The following KIF6 variants were observed in gnomAD, a reference collection of about 807,000 sequenced individuals.
The protein encoded by KIF6 is kinesin family member 6, also known as kinesin-like protein KIF6.
Under a neutral mutation model 112.7 loss-of-function variants are expected in KIF6, and 106 were observed. The ratio of observed to expected loss-of-function variants is 0.94; its 90% confidence interval spans 0.80 to 1.11. The LOEUF is 1.11. KIF6 is among the 50% of genes least tolerant of loss of function. KIF6 has a pLI of 0.00. For synonymous variants in KIF6, 339 were observed against 339.9 expected (o/e 1.00, Z 0.03); for missense variants, 929 against 964.0 (o/e 0.96, Z 0.48).
intron 11 of KIF6, among the ~76,000 whole-genome samples, chr6:39,545,213 A>G (rs9394608): frequency 0.042 from 6,463 of 152,314 alleles, 289 homozygotes; most frequent in East Asian, 0.26. Flanking sequence ...TGTCATGAAA[A>G]TTAAAACCTA....
At chr6:39,373,042 T>C (rs1766145610) in intron 16 of KIF6, among the ~76,000 whole-genome samples, 1 of 152,186 alleles carries the variant, frequency 6.6e-6, no homozygotes, top group South Asian at 2.1e-4. Flanking sequence ...ATGGCGATTT[T>C]CATCATGTGT....
At chr6:39,627,214 G>A (rs115119652) in intron 5 of KIF6, among the ~76,000 whole-genome samples, 458 of 152,116 alleles carry the variant, frequency 3.0e-3, no homozygotes, top group Non-Finnish European at 5.6e-3. Context: ...GCCACACTCC[G>A]CTGCCCCAAG....
chr6:39,673,816 GC>G (rs1786978948), intron 3 of KIF6, among the ~76,000 whole-genome samples: 1 of 152,148 alleles, frequency 6.6e-6, no homozygotes, highest in African/African-American at 2.4e-5. Context: ...AAAATTTCTA[GC>G]CCAGATAAAA....
intron 15 of KIF6, among the ~76,000 whole-genome samples, chr6:39,393,837 GAAA>G (rs1253762461): frequency 3.3e-5 from 5 of 151,904 alleles, no homozygotes; most frequent in African/African-American, 1.2e-4. Context: ...TAGAAGATCA[GAAA>G]AAAAGGCAAG....
intron 13 of KIF6, among the ~76,000 whole-genome samples, chr6:39,516,963 G>T (rs12525519): frequency 6.6e-6 from 1 of 151,978 alleles, no homozygotes; most frequent in Non-Finnish European, 1.5e-5. Context: ...AAAGGAAGGT[G>T]AGTAGCAACA....
At chr6:39,510,256 C>T (rs1449758763) in intron 13 of KIF6, among the ~76,000 whole-genome samples, 1 of 151,948 alleles carries the variant, frequency 6.6e-6, no homozygotes, top group Non-Finnish European at 1.5e-5. Flanking sequence ...CCACGCCTGG[C>T]TCATTTTTTG....
intron 13 of KIF6, among the ~76,000 whole-genome samples, chr6:39,513,357 C>T (rs913594132): frequency 6.6e-6 from 1 of 152,204 alleles, no homozygotes; most frequent in Non-Finnish European, 1.5e-5. Context: ...CTGATTACTT[C>T]TACATGCTCA....
At chr6:39,433,530 G>C (rs1448483082) in intron 13 of KIF6, among the ~76,000 whole-genome samples, 1 of 152,232 alleles carries the variant, frequency 6.6e-6, no homozygotes, top group Non-Finnish European at 1.5e-5. Flanking sequence ...AGTGCCAAGG[G>C]CTTATCATCA....
intron 4 of KIF6, among the ~76,000 whole-genome samples, chr6:39,638,424 T>G (rs997834359): frequency 6.6e-6 from 1 of 152,092 alleles, no homozygotes; most frequent in African/African-American, 2.4e-5. Context: ...ATTCCCAGGT[T>G]GTGAAATGTG....
At chr6:39,379,459 A>C (rs1223700725) in intron 16 of KIF6, among the ~76,000 whole-genome samples, 1 of 152,218 alleles carries the variant, frequency 6.6e-6, no homozygotes, top group African/African-American at 2.4e-5. Context: ...GACTGCACCC[A>C]CCTTTCCTGG....
chr6:39,575,083 T>C (rs186324910), intron 10 of KIF6, among the ~76,000 whole-genome samples: 312 of 152,260 alleles, frequency 2.0e-3, no homozygotes, highest in Non-Finnish European at 3.3e-3. Flanking sequence ...TAATGTTTAG[T>C]TCTAAGGCCC....
intron 3 of KIF6, among the ~76,000 whole-genome samples, chr6:39,685,295 C>T (rs999448633): frequency 6.6e-6 from 1 of 151,852 alleles, no homozygotes; most frequent in Non-Finnish European, 1.5e-5. Flanking sequence ...TGGCCTTTGG[C>T]AGAGACAGTA....
At chr6:39,603,847 A>G (rs1054494427) in intron 6 of KIF6, among the ~76,000 whole-genome samples, 1 of 152,168 alleles carries the variant, frequency 6.6e-6, no homozygotes, top group African/African-American at 2.4e-5. Flanking sequence ...ATTTCTTGCC[A>G]TAACTTATAC....
chr6:39,497,765 A>C (rs927493006), intron 13 of KIF6, among the ~76,000 whole-genome samples: 1 of 152,074 alleles, frequency 6.6e-6, no homozygotes, highest in African/African-American at 2.4e-5. Context: ...AGTTTTCTAT[A>C]ATGTTCTGAC....
intron 13 of KIF6, among the ~76,000 whole-genome samples, chr6:39,436,042 T>C (rs1205721709): frequency 6.6e-6 from 1 of 152,216 alleles, no homozygotes; most frequent in Non-Finnish European, 1.5e-5. Flanking sequence ...TTTGACATTT[T>C]ATTAATGGCC....
At chr6:39,640,252 T>C (rs2466408) in intron 3 of KIF6, among the ~76,000 whole-genome samples, 81,126 of 151,848 alleles carry the variant, frequency 0.53, 24,670 homozygotes, top group African/African-American at 0.83. Flanking sequence ...AATTCCCCTC[T>C]TCTCTTTTCT....
chr6:39,537,849 G>A (rs1243953123), intron 13 of KIF6, among the ~76,000 whole-genome samples: 1 of 152,096 alleles, frequency 6.6e-6, no homozygotes, highest in South Asian at 2.1e-4. Flanking sequence ...AAACAGCATG[G>A]TACTGGTACC....
chr6:39,447,677 C>T (rs1772415648), intron 13 of KIF6, among the ~76,000 whole-genome samples: 1 of 152,124 alleles, frequency 6.6e-6, no homozygotes, highest in Non-Finnish European at 1.5e-5. Flanking sequence ...TTAACAATAT[C>T]CTTCCTTTAC....
intron 3 of KIF6, among the ~76,000 whole-genome samples, chr6:39,675,775 T>C (rs559955813): frequency 2.0e-5 from 3 of 149,342 alleles, no homozygotes; most frequent in African/African-American, 7.4e-5. Flanking sequence ...CAAAAACAGA[T>C]AGGAAAAAAA....
Sources: allele counts gnomAD v4.1 joint callset (sites outside exome capture counted in the v4.1 genomes callset), GRCh38; gene constraint gnomAD v4.1.1; transcripts MANE v1.5; gene names NCBI Gene and HGNC (gene_info 2026-07-23, HGNC 2026-07-21).